CDH12: variants seen among roughly 807,000 people sequenced by gnomAD.
CDH12 encodes the protein cadherin-12.
A neutral mutation model predicts 74.1 loss-of-function variants in CDH12; 41 were observed. The observed-to-expected ratio is 0.55, with a 90% CI of 0.43 to 0.72. The LOEUF (loss-of-function observed/expected upper bound fraction) is 0.72. Ranked by LOEUF, CDH12 falls within the 30% of genes least tolerant of loss-of-function variation. The pLI is 0.00. For missense variants in CDH12, 945 were observed against 977.2 expected (o/e 0.97, Z 0.44); for synonymous variants, 399 against 355.0 (o/e 1.12, Z -1.39).
chr5:22,161,745 A>AG (rs56703611), intron 4 of CDH12, among the ~76,000 whole-genome samples: 82,579 of 146,322 alleles, frequency 0.56, 23,418 homozygotes, highest in African/African-American at 0.66. Context: ...AGAGAGAGGG[A>AG]GGGGGGAAAA....
intron 1 of CDH12, among the ~76,000 whole-genome samples, chr5:22,610,344 A>G (rs1737334272): frequency 6.6e-6 from 1 of 152,196 alleles, no homozygotes; most frequent in African/African-American, 2.4e-5. Flanking sequence ...GAGTCTTCAC[A>G]TATTTATAAT....
chr5:22,487,563 GCAAAAA>G (rs949082853), intron 2 of CDH12, among the ~76,000 whole-genome samples: 1 of 151,944 alleles, frequency 6.6e-6, no homozygotes, highest in Non-Finnish European at 1.5e-5. Flanking sequence ...GAACAATAAA[GCAAAAA>G]CAAAAACAAA....
intron 1 of CDH12, among the ~76,000 whole-genome samples, chr5:22,682,531 C>G (rs1405667309): frequency 2.6e-5 from 4 of 152,098 alleles, no homozygotes; most frequent in African/African-American, 9.6e-5. Flanking sequence ...GTGTATATTA[C>G]AGGCTTCCTA....
intron 4 of CDH12, among the ~76,000 whole-genome samples, chr5:22,176,575 T>A (rs955758726): frequency 2.0e-5 from 3 of 152,172 alleles, no homozygotes; most frequent in Non-Finnish European, 2.9e-5. Context: ...AGAGTCTGGT[T>A]AGTTCTACCC....
intron 6 of CDH12, among the ~76,000 whole-genome samples, chr5:21,940,348 G>A (rs1305096809): frequency 6.6e-6 from 1 of 152,142 alleles, no homozygotes; most frequent in Non-Finnish European, 1.5e-5. Context: ...GGGTGGGTGA[G>A]TCTACTTTTG....
chr5:22,724,162 CT>C (rs1744040616), intron 1 of CDH12, among the ~76,000 whole-genome samples: 1 of 151,868 alleles, frequency 6.6e-6, no homozygotes, highest in East Asian at 1.9e-4. Flanking sequence ...CATTAACATA[CT>C]ACTTCACTTT....
chr5:22,404,823 G>A (rs1742872810), intron 3 of CDH12, among the ~76,000 whole-genome samples: 1 of 152,178 alleles, frequency 6.6e-6, no homozygotes, highest in East Asian at 1.9e-4. Flanking sequence ...ACAATTTTAA[G>A]ACATTACAAA....
intron 1 of CDH12, among the ~76,000 whole-genome samples, chr5:22,681,193 G>A (rs1362460815): frequency 6.7e-6 from 1 of 150,250 alleles, no homozygotes; most frequent in Non-Finnish European, 1.5e-5. Flanking sequence ...GCAATAACTA[G>A]TTATGTAAAA....
intron 1 of CDH12, among the ~76,000 whole-genome samples, chr5:22,771,220 C>T (rs1002745431): frequency 6.6e-6 from 1 of 152,096 alleles, no homozygotes; most frequent in Non-Finnish European, 1.5e-5. Flanking sequence ...AAATATCTTA[C>T]ACTAACAACT....
chr5:22,206,333 GAGTTGCTGGTCTAC>G (rs1404648506), intron 4 of CDH12, among the ~76,000 whole-genome samples: 2 of 152,306 alleles, frequency 1.3e-5, no homozygotes, highest in East Asian at 3.9e-4. Context: ...TAAGGTTTGA[GAGTTGCTGGTCTAC>G]AGCAGCAGTG....
At chr5:22,715,819 A>G (rs922096800) in intron 1 of CDH12, among the ~76,000 whole-genome samples, 2 of 146,646 alleles carry the variant, frequency 1.4e-5, no homozygotes, top group East Asian at 2.0e-4. Context: ...AAAAAAGAAA[A>G]AAAAGAAAAA....
intron 3 of CDH12, among the ~76,000 whole-genome samples, chr5:22,357,875 A>C (rs1359643270): frequency 1.3e-5 from 2 of 152,198 alleles, no homozygotes; most frequent in Non-Finnish European, 2.9e-5. Flanking sequence ...TCCTGATAAA[A>C]GTTCTTATTT....
chr5:22,629,446 A>AT (rs555844549), intron 1 of CDH12, among the ~76,000 whole-genome samples: 88 of 152,080 alleles, frequency 5.8e-4, no homozygotes, highest in Non-Finnish European at 9.6e-4. Context: ...GGAATGCAAG[A>AT]TTTTTTCAAC....
chr5:22,532,363 A>ATG lies in CDH12; in HGVS notation c.-522-27000_-522-26999insCA. 2.8e-5 allele frequency among the ~76,000 whole-genome samples: 2 copies of ATG among 71,946 alleles called. 1 individual carries two copies. The highest frequency in any genetic ancestry group is 0.013 in the Middle Eastern group (2 of 156). 47.2% of individuals were successfully genotyped at this position (71,946 alleles called of 152,430 possible). A position where few individuals can be genotyped will look rare whatever the true frequency, so the allele number is the denominator to read the frequency against. On this transcript the variant is annotated intron_variant, in intron 1 of 14. Coordinates refer to ENST00000382254, the MANE Select transcript of CDH12 (RefSeq NM_004061.5). The stretch of plus-strand genomic sequence containing the variant: ...TTATATAAATAGGATATATATATAT[A>ATG]TATATATATATATATGTATGTATCC...
chr5:22,533,461 A>G (rs1249638708), intron 1 of CDH12, among the ~76,000 whole-genome samples: 1 of 152,216 alleles, frequency 6.6e-6, no homozygotes, highest in Non-Finnish European at 1.5e-5. Context: ...TTTCTATATA[A>G]GAAGGTCTTA....
At chr5:21,940,083 C>G (rs1418324290) in intron 6 of CDH12, among the ~76,000 whole-genome samples, 2 of 152,040 alleles carry the variant, frequency 1.3e-5, no homozygotes, top group South Asian at 2.1e-4. Context: ...AATAAATAAA[C>G]AGGCATAGTG....
At chr5:21,770,561 T>G (rs1277632715) in intron 11 of CDH12, among the ~76,000 whole-genome samples, 6 of 149,044 alleles carry the variant, frequency 4.0e-5, no homozygotes, top group Non-Finnish European at 5.9e-5. Flanking sequence ...GAGGTAACAG[T>G]GAGCTGAGAT....
At position 22,095,571 on chromosome 5, in the gene CDH12, C is replaced by T. The variant is rs186957920; in HGVS notation, c.-186-16709G>A. Among the ~76,000 whole-genome samples the T allele has an allele frequency of 3.4e-3, 515 of 152,104 alleles. 1 individual carries two copies. Among genetic ancestry groups the T allele is most frequent in the African/African-American group, 0.012 (502 of 41,502 alleles). On this transcript the variant is annotated intron_variant, in intron 4 of 14. Coordinates refer to ENST00000382254, the MANE Select transcript of CDH12 (RefSeq NM_004061.5). Reference sequence around the variant, plus strand: ...CCAACTCCTTCTCTCCATGTCTCTACCCCTTCTCTGCTTTTCTGGGGGGCA... The same window carrying T: ...CCAACTCCTTCTCTCCATGTCTCTATCCCTTCTCTGCTTTTCTGGGGGGCA...
At chr5:21,982,259 A>AT (rs1336588918) in intron 5 of CDH12, among the ~76,000 whole-genome samples, 3 of 151,626 alleles carry the variant, frequency 2.0e-5, no homozygotes, top group East Asian at 1.9e-4. Flanking sequence ...AGACACTGGA[A>AT]TTTTTTTTCT....
Sources: allele counts gnomAD v4.1 joint callset (sites outside exome capture counted in the v4.1 genomes callset), GRCh38; gene constraint gnomAD v4.1.1; transcripts MANE v1.5; gene names NCBI Gene and HGNC (gene_info 2026-07-23, HGNC 2026-07-21).